TRMT1L: variants seen among roughly 807,000 people sequenced by gnomAD.
TRMT1L encodes the protein tRNA methyltransferase 1L.
In TRMT1L, 28 loss-of-function variants were observed where a neutral mutation model predicts 81.6. The observed-to-expected ratio is 0.34, with a 90% CI of 0.25 to 0.47. The LOEUF is 0.47. Ranked by LOEUF, TRMT1L falls within the 20% of genes least tolerant of loss-of-function variation. TRMT1L has a pLI of 1.00. For synonymous variants in TRMT1L, 301 were observed against 303.2 expected (o/e 0.99, Z 0.07); for missense variants, 739 against 877.1 (o/e 0.84, Z 1.99).
chr1:185,143,282 A>G, intron 7 of TRMT1L, 75 bp downstream of exon 7: 12 of 1,313,202 alleles, frequency 9.1e-6, no homozygotes, highest in Non-Finnish European at 1.3e-5. Flanking sequence ...ATCACTGCCC[A>G]TATATATTTT....
chr1:185,149,661 G>A (rs1330804683), intron 3 of TRMT1L, among the ~76,000 whole-genome samples: 3 of 151,802 alleles, frequency 2.0e-5, no homozygotes, highest in African/African-American at 7.3e-5. Context: ...GGATGGATAT[G>A]CGTATTTTTA....
At chr1:185,156,052 T>A (rs1460521940) in intron 1 of TRMT1L, among the ~76,000 whole-genome samples, 1 of 152,222 alleles carries the variant, frequency 6.6e-6, no homozygotes, top group Non-Finnish European at 1.5e-5. Context: ...GGTTTAGAAA[T>A]GTTGGCAGCT....
In TRMT1L at chr1:185,153,838, T is replaced by A. The variant is rs376290497; in HGVS notation, c.236-1903A>T. 3.4e-4 allele frequency among the ~76,000 whole-genome samples: 52 copies of A among 152,306 alleles called. 1 individual carries two copies. The East Asian group carries it at 6.2e-3, about 18-fold the overall frequency. On this transcript the variant is annotated intron_variant, in intron 1 of 14. Transcript: ENST00000367506. Reference sequence around the variant, plus strand: ...GGCTCTCTAATATTATGTTATTAGGTTATACAATTTAAAACCTTGAGACTT... The same window carrying A: ...GGCTCTCTAATATTATGTTATTAGGATATACAATTTAAAACCTTGAGACTT...
chr1:185,154,344 C>T (rs1033530016), intron 1 of TRMT1L, among the ~76,000 whole-genome samples: 5 of 152,296 alleles, frequency 3.3e-5, no homozygotes, highest in African/African-American at 9.6e-5. Flanking sequence ...TAGGCTGGTG[C>T]CTGGTTATTC....
intron 5 of TRMT1L, 54 bp from the exon 6 acceptor site, chr1:185,144,083 A>C: frequency 1.3e-6 from 2 of 1,491,534 alleles, no homozygotes; most frequent in Non-Finnish European, 1.8e-6. Context: ...ATTCTAAACA[A>C]AAGATTTCCA....
chr1:185,156,851 A>T lies in TRMT1L; in HGVS notation c.-139T>A. On this transcript the variant is annotated 5_prime_UTR_variant, in exon 1 of 15. Transcript: ENST00000367506. ...GGGGAGGGCGGGATGCGTGCAACAG[A>T]CAAAAGATGAAGAACCAGTGACCAA... 16 of 1,200,376 alleles carry T rather than the reference A, an allele frequency of 1.3e-5. No individual in the cohort carries two copies. The highest frequency in any genetic ancestry group is 1.8e-5 in the Non-Finnish European group (16 of 883,326). The allele number at this position is 1,200,376 out of a possible 1,614,324, so 74.4% of individuals were successfully genotyped here. A position where few individuals can be genotyped will look rare whatever the true frequency, so the allele number is the denominator to read the frequency against.
intron 1 of TRMT1L, among the ~76,000 whole-genome samples, chr1:185,155,439 TCTGA>T (rs1027744710): frequency 2.0e-4 from 31 of 152,366 alleles, no homozygotes; most frequent in African/African-American, 7.5e-4. Flanking sequence ...CCTGAAGCAT[TCTGA>T]CTTTTGTCTT....
At chr1:185,145,649 G>A (rs968429503) in intron 4 of TRMT1L, 81 bp from the exon 5 acceptor site, 1 of 1,395,016 alleles carries the variant, frequency 7.2e-7, no homozygotes, top group Non-Finnish European at 1.0e-6. Flanking sequence ...AAGTACATTA[G>A]TGTCTTGGAT....
Position 185,119,330 on chromosome 1 carries a change from C to G in TRMT1L, c.*689G>C, listed in dbSNP as rs1215363567. 1 of 152,036 alleles carries G rather than the reference C, an allele frequency of 6.6e-6. No homozygotes were observed. Among genetic ancestry groups the G allele is most frequent in the Non-Finnish European group, 1.5e-5 (1 of 67,988 alleles). 9.4% of individuals were successfully genotyped at this position (152,036 alleles called of 1,614,324 possible). A position where few individuals can be genotyped will look rare whatever the true frequency, so the allele number is the denominator to read the frequency against. ...TCTTCAGGATTTCAGTGCTCATGAA[C>G]AAGTATTATATTAGATTAATGGTCT... is the stretch of plus-strand genomic sequence containing the variant. On this transcript the variant is annotated 3_prime_UTR_variant, in exon 15 of 15. Transcript: ENST00000367506.
Position 185,150,448 on chromosome 1 carries a change from C to T in TRMT1L, c.391G>A (p.Ala131Thr), listed in dbSNP as rs1166994865. Residue 131 changes from alanine to threonine, a missense_variant, in exon 3 of 15, where the codon GCT becomes ACT. Transcript: ENST00000367506. ...CGACGAAGCTTATGGCTATTACAAG[C>T]TCTGAATTTTTCCTTAGGGCACAAT... is the stretch of plus-strand genomic sequence containing the variant. The part of the protein sequence containing the change: ...CPLCPKEKFR[A>T]CNSHKLRRHL... 4 of 1,613,670 alleles carry T rather than the reference C, an allele frequency of 2.5e-6. No individual in the cohort carries two copies. Among genetic ancestry groups the T allele is most frequent in the Non-Finnish European group, 3.4e-6 (4 of 1,179,858 alleles).
chr1:185,145,265 TA>T, intron 5 of TRMT1L, among the ~76,000 whole-genome samples, 173 bp downstream of exon 5: 1 of 152,044 alleles, frequency 6.6e-6, no homozygotes, highest in East Asian at 1.9e-4. Flanking sequence ...TTGAGAATGT[TA>T]AAATGTTTTT....
At chr1:185,139,948 G>A (rs1652993231) in intron 8 of TRMT1L, 25 bp downstream of exon 8, 2 of 1,584,380 alleles carry the variant, frequency 1.3e-6, no homozygotes, top group African/African-American at 1.4e-5. Context: ...TTTAGAAAGT[G>A]ACACGGCAAG....
At position 185,137,677 on chromosome 1, in the gene TRMT1L, T is replaced by C. The variant is rs1342985006; in HGVS notation, c.1442A>G (p.Lys481Arg). 2.5e-6 allele frequency: 4 copies of C among 1,614,064 alleles called. No homozygotes were observed. The African/African-American group carries it at 5.3e-5, about 22-fold the overall frequency. ...CTGACAATGGATCAGGTATTGAATC[T>C]TCTTGGCTGTTTCATCTGCTGAAGT... ...GPTSADETAK[K>R]IQYLIHCQWC... Residue 481 changes from lysine to arginine, a missense_variant, in exon 10 of 15, where the codon AAG (lysine) becomes AGG (arginine). Physicochemically the swap from Lys to Arg is conservative, Grantham distance 26. This residue lies in a region of TRMT1L where 331 missense variants were observed against 462.2 expected (regional missense o/e 0.72). Coordinates refer to ENST00000367506, the MANE Select transcript of TRMT1L (RefSeq NM_030934.5).
intron 12 of TRMT1L, 169 bp downstream of exon 12, chr1:185,124,775 A>G (rs1473864401): frequency 7.8e-6 from 4 of 515,460 alleles, no homozygotes; most frequent in Non-Finnish European, 1.3e-5. Flanking sequence ...CCTGAATAAA[A>G]CTATGTAATT....
chr1:185,145,918 G>C (rs889661480), intron 4 of TRMT1L, among the ~76,000 whole-genome samples: 6 of 151,910 alleles, frequency 3.9e-5, no homozygotes, highest in African/African-American at 1.4e-4. Flanking sequence ...CTGATTTGTA[G>C]TATTTGCAGA....
At chr1:185,152,214 T>G (rs1182275311) in intron 1 of TRMT1L, among the ~76,000 whole-genome samples, 1 of 152,194 alleles carries the variant, frequency 6.6e-6, no homozygotes, top group Non-Finnish European at 1.5e-5. Flanking sequence ...GAAGGAAACG[T>G]TAAGTCATGT....
At chr1:185,127,284 G>C (rs1391556341) in intron 11 of TRMT1L, among the ~76,000 whole-genome samples, 1 of 152,166 alleles carries the variant, frequency 6.6e-6, no homozygotes, top group African/African-American at 2.4e-5. Flanking sequence ...GGGCTGGCTA[G>C]ATCTTTCTTA....
Position 185,155,794 on chromosome 1 carries a change from C to T in TRMT1L, c.235+684G>A, listed in dbSNP as rs77183163. Among the ~76,000 whole-genome samples, 833 of 152,302 alleles carry T rather than the reference C, an allele frequency of 5.5e-3. 31 individuals carry two copies. In the East Asian group the frequency reaches 0.085, roughly 15 times the overall value. ...CCACCACTTAGAAAACATGCAGGCA[C>T]ATTCAGAAGCACAATAATATGGGCC... On this transcript the variant is annotated intron_variant, in intron 1 of 14. Transcript: ENST00000367506.
intron 7 of TRMT1L, among the ~76,000 whole-genome samples, chr1:185,142,854 TAA>T (rs1653085702): frequency 6.6e-6 from 1 of 152,126 alleles, no homozygotes; most frequent in Admixed American, 6.5e-5. Context: ...CCCATAGATT[TAA>T]AAGAGACTTA....
Sources: allele counts gnomAD v4.1 joint callset (sites outside exome capture counted in the v4.1 genomes callset), GRCh38; gene constraint gnomAD v4.1.1; regional missense constraint gnomAD v4.1.1; transcripts MANE v1.5; gene names NCBI Gene and HGNC (gene_info 2026-07-23, HGNC 2026-07-21).